The following KIAA2012 variants were observed in gnomAD, a reference collection of about 807,000 sequenced individuals.
KIAA2012 encodes the protein KIAA2012, also known as uncharacterized protein KIAA2012.
Under a neutral mutation model 150.6 loss-of-function variants are expected in KIAA2012, and 125 were observed. The observed-to-expected ratio is 0.83, with a 90% CI of 0.72 to 0.96. The LOEUF (loss-of-function observed/expected upper bound fraction) is 0.96, where lower values mean the gene tolerates loss of function less well. Ranked by LOEUF, KIAA2012 falls within the 40% of genes least tolerant of loss-of-function variation. The pLI is 0.00. For missense variants in KIAA2012, 1,219 were observed against 1,354.9 expected (o/e 0.90, Z 1.57); for synonymous variants, 462 against 504.7 (o/e 0.92, Z 1.13).
intron 19 of KIAA2012, among the ~76,000 whole-genome samples, chr2:202,191,802 A>G (rs1173799996): frequency 6.6e-6 from 1 of 152,224 alleles, no homozygotes; most frequent in Non-Finnish European, 1.5e-5. Context: ...TTAAACTCAC[A>G]TATGTTACAT....
intron 5 of KIAA2012, among the ~76,000 whole-genome samples, chr2:202,098,818 GTGCA>G (rs1255071811): frequency 1.4e-5 from 2 of 146,490 alleles, no homozygotes; most frequent in African/African-American, 5.0e-5. Flanking sequence ...GTGTGTGTGT[GTGCA>G]CGCGCGCGCG....
chr2:202,099,541 G>C (rs1417226395), intron 5 of KIAA2012, 72 bp from the exon 6 acceptor site: 1 of 1,240,270 alleles, frequency 8.1e-7, no homozygotes, highest in African/African-American at 1.5e-5. Flanking sequence ...TAGCCACAAG[G>C]GCTGTTAAAG....
intron 12 of KIAA2012, among the ~76,000 whole-genome samples, chr2:202,133,130 A>ATATATATTTTTTTTTTTTTTTTT (rs1279080237): frequency 4.4e-4 from 30 of 67,734 alleles, no homozygotes; most frequent in Middle Eastern, 0.017. Context: ...ATATATATAT[A>ATATATATTTTTTTTTTTTTTTTT]TTTTTTTTTT....
intron 13 of KIAA2012, among the ~76,000 whole-genome samples, chr2:202,143,865 C>T (rs527681974): frequency 6.6e-6 from 1 of 152,132 alleles, no homozygotes; most frequent in Non-Finnish European, 1.5e-5. Flanking sequence ...CTTTGGGGGA[C>T]AATGAATTCA....
intron 14 of KIAA2012, among the ~76,000 whole-genome samples, chr2:202,162,780 A>G (rs1447030755): frequency 6.6e-6 from 1 of 151,354 alleles, no homozygotes; most frequent in African/African-American, 2.4e-5. Flanking sequence ...AAATACAAAA[A>G]TTAGCTGGGC....
In KIAA2012 at chr2:202,088,145, G is replaced by A. The variant is rs79456020; in HGVS notation, c.370-2625G>A. 9.2e-3 allele frequency among the ~76,000 whole-genome samples: 1,394 copies of A among 152,140 alleles called. 26 individuals carry two copies. Among genetic ancestry groups the A allele is most frequent in the African/African-American group, 0.032 (1,341 of 41,498 alleles). On this transcript the variant is annotated intron_variant, in intron 2 of 23. Transcript: ENST00000498697. ...ACTACCACCATTTTATAATATATAA[G>A]GGACTTGAGCATACACAGATTTTAA...
intron 12 of KIAA2012, among the ~76,000 whole-genome samples, chr2:202,134,647 T>C (rs1022793104): frequency 2.6e-5 from 4 of 152,292 alleles, no homozygotes; most frequent in African/African-American, 9.6e-5. Context: ...CTCCGCCTCC[T>C]GGGTTCAAGT....
At chr2:202,158,946 TA>T (rs1367985407) in intron 14 of KIAA2012, among the ~76,000 whole-genome samples, 2 of 152,150 alleles carry the variant, frequency 1.3e-5, no homozygotes, top group Non-Finnish European at 2.9e-5. Flanking sequence ...GAATGAGAAA[TA>T]AGCTTCCACC....
At chr2:202,118,591 G>C (rs573992708) in intron 11 of KIAA2012, among the ~76,000 whole-genome samples, 3 of 120,714 alleles carry the variant, frequency 2.5e-5, no homozygotes, top group African/African-American at 7.8e-5. Context: ...AAAAATATTT[G>C]GGCAGTTTCT....
intron 11 of KIAA2012, among the ~76,000 whole-genome samples, chr2:202,124,608 C>T (rs1341432657): frequency 6.6e-6 from 1 of 152,206 alleles, no homozygotes; most frequent in Non-Finnish European, 1.5e-5. Flanking sequence ...CAAACGTTAA[C>T]TGTTTCATGA....
intron 9 of KIAA2012, among the ~76,000 whole-genome samples, chr2:202,106,938 T>C (rs1690211458): frequency 6.6e-6 from 1 of 152,214 alleles, no homozygotes; most frequent in Non-Finnish European, 1.5e-5. Context: ...TGACTACTGG[T>C]ATCAGAAATA....
At chr2:202,149,018 G>A (rs1691364449) in intron 13 of KIAA2012, among the ~76,000 whole-genome samples, 1 of 152,188 alleles carries the variant, frequency 6.6e-6, no homozygotes, top group Admixed American at 6.5e-5. Context: ...ACAGGGCCCG[G>A]GAAGGCCAAA....
chr2:202,087,510 CAAAAAAAAAAAAA>C (rs59728832), intron 2 of KIAA2012, among the ~76,000 whole-genome samples: 6 of 52,524 alleles, frequency 1.1e-4, no homozygotes, highest in Non-Finnish European at 9.8e-5. Context: ...GAAACCATCT[CAAAAAAAAAAAAA>C]AAAAAAAAAA....
At chr2:202,105,248 G>A (rs1690153862) in intron 8 of KIAA2012, among the ~76,000 whole-genome samples, 5 of 149,878 alleles carry the variant, frequency 3.3e-5, no homozygotes, top group Admixed American at 3.3e-4. Context: ...AGGAAGGGAG[G>A]GAGGGAGAGA....
chr2:202,082,632 G>A (rs1012752679), intron 2 of KIAA2012, among the ~76,000 whole-genome samples: 2 of 151,588 alleles, frequency 1.3e-5, no homozygotes, highest in Non-Finnish European at 2.9e-5. Flanking sequence ...TTTTTATGAA[G>A]TCCAACTTAT....
At chr2:202,125,129 A>G in intron 11 of KIAA2012, 85 bp from the exon 12 acceptor site, 2 of 1,103,774 alleles carry the variant, frequency 1.8e-6, no homozygotes, top group Non-Finnish European at 2.7e-6. Context: ...CAATCACTTC[A>G]TGTTTTCCCC....
chr2:202,148,651 GCTC>G (rs1003683600), intron 13 of KIAA2012, among the ~76,000 whole-genome samples: 4 of 152,166 alleles, frequency 2.6e-5, no homozygotes, highest in African/African-American at 9.7e-5. Flanking sequence ...GGGTTCTGCT[GCTC>G]CTCAGAAAGA....
At chr2:202,085,236 C>T (rs1689535283) in intron 2 of KIAA2012, among the ~76,000 whole-genome samples, 1 of 152,168 alleles carries the variant, frequency 6.6e-6, no homozygotes, top group Non-Finnish European at 1.5e-5. Context: ...ACAGGATGTC[C>T]TGCCAAAGAT....
At chr2:202,114,763 C>T (rs556938911) in intron 11 of KIAA2012, among the ~76,000 whole-genome samples, 6 of 152,124 alleles carry the variant, frequency 3.9e-5, no homozygotes, top group African/African-American at 1.4e-4. Flanking sequence ...ATTTCCATGA[C>T]ATGGAGAAAG....
Sources: allele counts gnomAD v4.1 joint callset (sites outside exome capture counted in the v4.1 genomes callset), GRCh38; gene constraint gnomAD v4.1.1; transcripts MANE v1.5; gene names NCBI Gene and HGNC (gene_info 2026-07-23, HGNC 2026-07-21).